Variants in HERC2 observed in about 807,000 individuals in gnomAD.
HERC2 encodes the protein E3 ubiquitin-protein ligase HERC2.
Under a neutral mutation model 537.7 loss-of-function variants are expected in HERC2, and 102 were observed. The ratio of observed to expected loss-of-function variants is 0.19; its 90% CI spans 0.16 to 0.22. The LOEUF is 0.22. Among genes scored for constraint, HERC2 ranks in the 10% least tolerant of loss-of-function variants. The pLI is 1.00. For missense variants in HERC2, 4,236 were observed against 6,198.2 expected (o/e 0.68, Z 10.63); for synonymous variants, 2,224 against 2,466.2 (o/e 0.90, Z 2.91).
intron 69 of HERC2, among the ~76,000 whole-genome samples, chr15:28,162,885 C>G (rs1285538638): frequency 6.6e-6 from 1 of 152,058 alleles, no homozygotes; most frequent in African/African-American, 2.4e-5. Flanking sequence ...AGCGAGACTC[C>G]GTCTCAAAAA....
intron 71 of HERC2, among the ~76,000 whole-genome samples, chr15:28,146,000 T>C (rs1049025605): frequency 3.9e-5 from 6 of 152,210 alleles, no homozygotes; most frequent in African/African-American, 1.4e-4. Flanking sequence ...AACTGTCTGA[T>C]GAGGCAGGGC....
intron 4 of HERC2, 119 bp downstream of exon 4, chr15:28,292,769 A>T: frequency 1.9e-6 from 2 of 1,058,284 alleles, no homozygotes; most frequent in Non-Finnish European, 2.8e-6. Flanking sequence ...CACAATATTT[A>T]AATTTTTTAT....
At chr15:28,129,663 G>GTAA (rs1158759920) in intron 83 of HERC2, among the ~76,000 whole-genome samples, 1 of 152,162 alleles carries the variant, frequency 6.6e-6, no homozygotes, top group African/African-American at 2.4e-5. Context: ...GCACAGCCCA[G>GTAA]TAATAAGTAA....
chr15:28,180,728 T>G (rs1269934716), intron 57 of HERC2, among the ~76,000 whole-genome samples: 1 of 152,238 alleles, frequency 6.6e-6, no homozygotes, highest in Non-Finnish European at 1.5e-5. Context: ...ACCCATGGAT[T>G]GAAAATATTT....
chr15:28,113,808 G>A lies in HERC2; in HGVS notation c.13914-130C>T. 1.4e-6 allele frequency: 1 copy of A among 714,908 alleles called. No individual in the cohort carries two copies. Among genetic ancestry groups the A allele is most frequent in the Non-Finnish European group, 2.5e-6 (1 of 406,264 alleles). The allele number at this position is 714,908 out of a possible 1,614,324, so 44.3% of individuals were successfully genotyped here. A position where few individuals can be genotyped will look rare whatever the true frequency, so the allele number is the denominator to read the frequency against. ...TGGGAGAACAGAGGGAGCAGCTCCA[G>A]ATGGCATGAGCATGCTTAGCAGCTC... On this transcript the variant is annotated intron_variant, in intron 90 of 92. Coordinates refer to ENST00000261609, the MANE Select transcript of HERC2 (RefSeq NM_004667.6). This position sits in a 1 kb window ranked among gnomAD's most constrained non-coding sequence, Gnocchi z 7.0.
In HERC2 at chr15:28,232,659, G is replaced by T. The variant is rs1902004033; in HGVS notation, c.4675+487C>A. Among the ~76,000 whole-genome samples, 3 of 151,818 alleles carry T rather than the reference G, an allele frequency of 2.0e-5. No homozygotes were observed. The South Asian group carries it at 6.2e-4, about 32-fold the overall frequency. On this transcript the variant is annotated intron_variant, in intron 30 of 92. Transcript: ENST00000261609. The stretch of plus-strand genomic sequence containing the variant: ...TTTCTAAGCATTTTTATTCAAATTT[G>T]GATTTAATGCAAAAAGACTTTTCTG...
chr15:28,305,225 A>C (rs1182399246), intron 2 of HERC2, among the ~76,000 whole-genome samples: 2 of 151,150 alleles, frequency 1.3e-5, no homozygotes, highest in Non-Finnish European at 3.0e-5. Context: ...ATTTGGGTAT[A>C]TACCCAGTAA....
At chr15:28,276,626 A>G (rs537013799) in intron 5 of HERC2, among the ~76,000 whole-genome samples, 26 of 151,730 alleles carry the variant, frequency 1.7e-4, no homozygotes, top group African/African-American at 6.3e-4. Context: ...TCCCAGCTAT[A>G]TGGGAGGCTG....
chr15:28,153,351 C>G (rs189909211), intron 69 of HERC2, among the ~76,000 whole-genome samples: 120 of 151,830 alleles, frequency 7.9e-4, no homozygotes, highest in Non-Finnish European at 8.8e-4. Flanking sequence ...GAGACTGCGT[C>G]TCAAACAAAA....
At position 28,162,885 on chromosome 15, in the gene HERC2, C is replaced by T. The variant is rs1285538638; in HGVS notation, c.10746+209G>A. 3.9e-5 allele frequency among the ~76,000 whole-genome samples: 6 copies of T among 152,058 alleles called. No homozygotes were observed. The East Asian group carries it at 5.8e-4, about 15-fold the overall frequency. On this transcript the variant is annotated intron_variant, in intron 69 of 92. Coordinates refer to ENST00000261609, the MANE Select transcript of HERC2 (RefSeq NM_004667.6). Reference sequence around the variant, plus strand: ...TAGCCTGGGCGACAGAGCGAGACTCCGTCTCAAAAAAACAAAAAACAGGTA... The same window carrying T: ...TAGCCTGGGCGACAGAGCGAGACTCTGTCTCAAAAAAACAAAAAACAGGTA...
chr15:28,142,162 A>G, intron 76 of HERC2, 76 bp downstream of exon 76: 2 of 1,507,474 alleles, frequency 1.3e-6, no homozygotes, highest in Non-Finnish European at 1.8e-6. Flanking sequence ...GTGTCTCGTA[A>G]TATTGGCATC....
At chr15:28,156,308 T>TG (rs1893006053) in intron 69 of HERC2, among the ~76,000 whole-genome samples, 1 of 152,198 alleles carries the variant, frequency 6.6e-6, no homozygotes, top group African/African-American at 2.4e-5. Flanking sequence ...AGAAAGTCAT[T>TG]GGTAGCTTGA....
chr15:28,238,896 T>C, intron 23 of HERC2, 124 bp from the exon 24 acceptor site: 2 of 749,294 alleles, frequency 2.7e-6, no homozygotes, highest in South Asian at 2.9e-5. Flanking sequence ...GAGAAATACA[T>C]ACCTAGCTCT....
Position 28,296,042 on chromosome 15 carries a change from G to C in HERC2, c.188-3020C>G, listed in dbSNP as rs1002228036. Among the ~76,000 whole-genome samples the C allele has an allele frequency of 8.0e-5, 12 of 150,380 alleles. No individual in the cohort carries two copies. In the Admixed American group the frequency reaches 8.0e-4, roughly 10 times the overall value. On this transcript the variant is annotated intron_variant, in intron 3 of 92. Transcript: ENST00000261609. Reference sequence around the variant, plus strand: ...CAGAAAATAAAATAAAATATTCATAGTCTTAATAATGGAAAACAAAAACAT... The same window carrying C: ...CAGAAAATAAAATAAAATATTCATACTCTTAATAATGGAAAACAAAAACAT...
chr15:28,148,063 A>C (rs1891955242), intron 70 of HERC2, among the ~76,000 whole-genome samples: 1 of 152,020 alleles, frequency 6.6e-6, no homozygotes. Flanking sequence ...AAAAGTGAGA[A>C]TAAGGAACAA....
chr15:28,265,890 A>C lies in HERC2; in HGVS notation c.1683T>G (p.Thr561=). 6.2e-7 allele frequency: 1 copy of C among 1,614,172 alleles called. No individual in the cohort carries two copies. Among genetic ancestry groups the C allele is most frequent in the Non-Finnish European group, 8.5e-7 (1 of 1,180,034 alleles). The change falls in exon 13 of 93, where the codon ACT becomes ACG. Residue 561 remains threonine (T), a synonymous_variant. Transcript: ENST00000261609. This position sits in a 1 kb window ranked among gnomAD's most constrained non-coding sequence, Gnocchi z 4.0. The part of the protein sequence containing the change: ...KHVVHIACGS[T]YSAAITAEGE... ...CCTCGGCAGTGATGGCCGCACTGTA[A>C]GTGCTCCCGCAAGCGATGTGCACCA...
At chr15:28,164,159 C>A (rs550773422) in intron 68 of HERC2, among the ~76,000 whole-genome samples, 1 of 152,340 alleles carries the variant, frequency 6.6e-6, no homozygotes, top group East Asian at 1.9e-4. Context: ...CAGGCAGAGT[C>A]TGGCTCCCCA....
rs1297574492 is a variant in HERC2, at chr15:28,238,647, T to C, written c.3703A>G (p.Ile1235Val). ...WTVIDGKVYD[I>V]KDFQTQSLTG... is the part of the protein sequence containing the mutation. ...AACGACTGTGTCTGGAAGTCCTTTA[T>C]ATCATACACCTTCCCGTCAATCACA... Residue 1235 changes from isoleucine (I) to valine (V), a missense_variant, in exon 24 of 93, where the codon ATA becomes GTA. Transcript: ENST00000261609. 1.9e-6 allele frequency: 3 copies of C among 1,611,534 alleles called. No individual in the cohort carries two copies. Among genetic ancestry groups the C allele is most frequent in the Non-Finnish European group, 1.7e-6 (2 of 1,179,552 alleles).
At chr15:28,274,862 T>C (rs1331786317) in intron 6 of HERC2, 43 bp downstream of exon 6, 1 of 1,426,112 alleles carries the variant, frequency 7.0e-7, no homozygotes, top group South Asian at 1.1e-5. Context: ...AGTCTGTTGA[T>C]GTATTAGGGA....
Sources: allele counts gnomAD v4.1 joint callset (sites outside exome capture counted in the v4.1 genomes callset), GRCh38; gene constraint gnomAD v4.1.1; non-coding constraint Gnocchi (gnomAD v3.1); transcripts MANE v1.5; gene names NCBI Gene and HGNC (gene_info 2026-07-23, HGNC 2026-07-21).